DSPP: variants seen among roughly 807,000 people sequenced by gnomAD.
DSPP encodes the protein dentin sialophosphoprotein.
DSPP carries 28 observed loss-of-function variants against 29.1 expected under a neutral mutation model. The ratio of observed to expected loss-of-function variants is 0.96; its 90% CI spans 0.71 to 1.32. The LOEUF (loss-of-function observed/expected upper bound fraction) is 1.32, where lower values mean the gene tolerates loss of function less well. Among genes scored for constraint, DSPP ranks in the 40% most tolerant of loss-of-function variants. The pLI is 0.00. For missense variants in DSPP, 1,281 were observed against 1,629.9 expected (o/e 0.79, Z 3.69); for synonymous variants, 481 against 503.4 (o/e 0.96, Z 0.60).
At position 87,614,215 on chromosome 4, in the gene DSPP, C is replaced by T. The variant is rs775701731; in HGVS notation, c.1553C>T (p.Thr518Ile). 6.2e-7 allele frequency: 1 copy of T among 1,614,084 alleles called. No homozygotes were observed. Among genetic ancestry groups the T allele is most frequent in the Admixed American group, 1.7e-5 (1 of 60,002 alleles). Residue 518 changes from threonine to isoleucine, a missense_variant, in exon 5 of 5, where the codon ACA becomes ATA. Coordinates refer to ENST00000651931, the MANE Select transcript of DSPP (RefSeq NM_014208.3). ...GCAGAAGATGATGACAGTGATAGCA[C>T]ATCAGACACTAATAATAGTGACAGT... ...KGAEDDDSDS[T>I]SDTNNSDSNG...
rs767682862 is a variant in DSPP, at chr4:87,614,231, T to C, written c.1569T>C (p.Asn523=). The C allele has an allele frequency of 6.2e-7, 1 of 1,614,188 alleles. No individual in the cohort carries two copies. Among genetic ancestry groups the C allele is most frequent in the South Asian group, 1.1e-5 (1 of 91,080 alleles). ...DDSDSTSDTN[N]SDSNGNGNNG... ...GTGATAGCACATCAGACACTAATAA[T>C]AGTGACAGTAATGGCAATGGTAACA... is the stretch of plus-strand genomic sequence containing the variant. Residue 523 remains asparagine, a synonymous_variant, in exon 5 of 5, where the codon AAT becomes AAC. Transcript: ENST00000651931.
intron 4 of DSPP, 108 bp from the exon 5 acceptor site, chr4:87,613,677 G>A: frequency 6.8e-7 from 1 of 1,477,800 alleles, no homozygotes; most frequent in Non-Finnish European, 9.4e-7. Context: ...TACTAGAAAT[G>A]TAACTCCTAT....
Position 87,614,070 on chromosome 4 carries a change from G to C in DSPP, c.1408G>C (p.Glu470Gln). The change falls in exon 5 of 5, where the codon GAA becomes CAA. Residue 470 changes from glutamate (E) to glutamine (Q), a missense_variant. Glu to Gln is a conservative substitution (Grantham distance 29). This residue lies in a region of DSPP where 631 missense variants were observed against 643.2 expected (regional missense o/e 0.98). Coordinates refer to ENST00000651931, the MANE Select transcript of DSPP (RefSeq NM_014208.3). ...AGGAGATGATCCCAATAGCAGTGATGAATCTAATGGCAATGATGATGCTAA... is the reference window on the plus strand; with the variant it reads ...AGGAGATGATCCCAATAGCAGTGATCAATCTAATGGCAATGATGATGCTAA... ...MQGDDPNSSD[E>Q]SNGNDDANSE... 1 of 1,614,210 alleles carries C rather than the reference G, an allele frequency of 6.2e-7. No homozygotes were observed.
At position 87,613,148 on chromosome 4, in the gene DSPP, A is replaced by G. The variant is rs749908300; in HGVS notation, c.962A>G (p.Lys321Arg). The G allele has an allele frequency of 3.1e-6, 5 of 1,614,108 alleles. No homozygotes were observed. The Admixed American group carries it at 8.3e-5, about 27-fold the overall frequency. The change falls in exon 4 of 5, where the codon AAG becomes AGG. Residue 321 changes from lysine to arginine, a missense_variant. This residue lies in a region of DSPP where 631 missense variants were observed against 643.2 expected (regional missense o/e 0.98). Transcript: ENST00000651931. ...EDPHNEVDGD[K>R]TSKSEENSAG... ...CCCCATAATGAAGTTGATGGAGACA[A>G]GACCTCCAAGAGTGAGGAGAATTCT...
At chr4:87,613,695 G>A (rs1727785715) in intron 4 of DSPP, 90 bp from the exon 5 acceptor site, 2 of 1,581,390 alleles carry the variant, frequency 1.3e-6, no homozygotes, top group Admixed American at 1.7e-5. Context: ...TATCCCTATG[G>A]CAACTTTTCC....
At chr4:87,610,422 C>T (rs116716556) in intron 1 of DSPP, among the ~76,000 whole-genome samples, 1,607 of 152,304 alleles carry the variant, frequency 0.011, 31 homozygotes, top group African/African-American at 0.037. Flanking sequence ...GTATTCTTTC[C>T]ACTAGCGTAG....
rs766084004 is a variant in DSPP at position 87,614,165 on chromosome 4, T to C, written c.1503T>C (p.Asn501=). 1.9e-6 allele frequency: 3 copies of C among 1,614,086 alleles called. No homozygotes were observed. The highest frequency in any genetic ancestry group is 2.7e-5 in the African/African-American group (2 of 74,934). The change falls in exon 5 of 5, where the codon AAT becomes AAC. Residue 501 remains asparagine (N), a synonymous_variant. Transcript: ENST00000651931. ...ATAACTCTGATGAATCAAAAGATAA[T>C]GGCAATGGCAGTGACTCAAAAGGAG... The part of the protein sequence containing the change: ...ASYNSDESKD[N]GNGSDSKGAE...
rs749298403 is a variant in DSPP, at chr4:87,612,679, G to A, written c.493G>A (p.Gly165Arg). The A allele has an allele frequency of 7.4e-6, 12 of 1,614,130 alleles. No individual in the cohort carries two copies. In the Admixed American group the frequency reaches 2.0e-4, roughly 27 times the overall value. Residue 165 changes from glycine (G) to arginine (R), a missense_variant, in exon 4 of 5, where the codon GGG (glycine) becomes AGG (arginine). Gly to Arg is a moderately radical substitution (Grantham distance 125). Around this residue, in one of 4 missense-constraint regions of DSPP, gnomAD observed 631 missense variants for 643.2 expected, o/e 0.98. Coordinates refer to ENST00000651931, the MANE Select transcript of DSPP (RefSeq NM_014208.3). ...NGNTDKNTQNGDVGDAGHNED... is the reference protein window; with the variant it reads ...NGNTDKNTQNRDVGDAGHNED... Reference sequence around the variant, plus strand: ...AAATACTGATAAGAATACCCAAAATGGGGATGTTGGCGATGCAGGTCACAA... The same window carrying A: ...AAATACTGATAAGAATACCCAAAATAGGGATGTTGGCGATGCAGGTCACAA...
In DSPP at chr4:87,615,431, C is replaced by A. The variant is rs1444992938; in HGVS notation, c.2769C>A (p.Ser923Arg). 1 of 1,536,090 alleles carries A rather than the reference C, an allele frequency of 6.5e-7. No homozygotes were observed. The highest frequency in any genetic ancestry group is 8.8e-7 in the Non-Finnish European group (1 of 1,139,316). Residue 923 changes from serine (S) to arginine (R), a missense_variant, in exon 5 of 5, where the codon AGC becomes AGA. By Grantham distance (110) the Ser-to-Arg change is moderately radical. This residue lies in a region of DSPP where 444 missense variants were observed against 611.4 expected (regional missense o/e 0.73). Coordinates refer to ENST00000651931, the MANE Select transcript of DSPP (RefSeq NM_014208.3). ...GTGATAGCAGCAACAGCAGTGATAGCAGTGAAAGCAGTAATAGTAGTGACA... is the reference window on the plus strand; with the variant it reads ...GTGATAGCAGCAACAGCAGTGATAGAAGTGAAAGCAGTAATAGTAGTGACA... ...DSSDSSNSSD[S>R]SESSNSSDNS...
At chr4:87,611,506 A>C (rs1727734304) in intron 2 of DSPP, among the ~76,000 whole-genome samples, 1 of 152,200 alleles carries the variant, frequency 6.6e-6, no homozygotes, top group South Asian at 2.1e-4. Flanking sequence ...CCAATAAAAA[A>C]TTGAGAAAAT....
rs1244429496 is a variant in DSPP, at chr4:87,614,170, A to C, written c.1508A>C (p.Asn503Thr). Residue 503 changes from asparagine (N) to threonine (T), a missense_variant, in exon 5 of 5, where the codon AAT becomes ACT. Asn to Thr is a moderately conservative substitution (Grantham distance 65). Around this residue, in one of 4 missense-constraint regions of DSPP, gnomAD observed 631 missense variants for 643.2 expected, o/e 0.98. Coordinates refer to ENST00000651931, the MANE Select transcript of DSPP (RefSeq NM_014208.3). ...YNSDESKDNG[N>T]GSDSKGAEDD... ...TCTGATGAATCAAAAGATAATGGCA[A>C]TGGCAGTGACTCAAAAGGAGCAGAA... 6.2e-7 allele frequency: 1 copy of C among 1,614,268 alleles called. No individual in the cohort carries two copies.
rs141644121 is a variant in DSPP, at chr4:87,612,830, C to G, written c.644C>G (p.Pro215Arg). 8.1e-6 allele frequency: 13 copies of G among 1,614,056 alleles called. No individual in the cohort carries two copies. The highest frequency in any genetic ancestry group is 9.3e-6 in the Non-Finnish European group (11 of 1,179,990). ...RNEGNTSEITPQINSKRNGTK... is the reference protein window; with the variant it reads ...RNEGNTSEITRQINSKRNGTK... The stretch of plus-strand genomic sequence containing the variant: ...GAGGGTAATACAAGTGAAATAACAC[C>G]TCAGATCAACAGCAAGAGAAATGGG... The change falls in exon 4 of 5, where the codon CCT becomes CGT. Residue 215 changes from proline (P) to arginine (R), a missense_variant. This residue lies in a region of DSPP where 631 missense variants were observed against 643.2 expected (regional missense o/e 0.98). Transcript: ENST00000651931.
At position 87,612,735 on chromosome 4, in the gene DSPP, A is replaced by G; in HGVS notation, c.549A>G (p.Gly183=). 3 of 1,614,196 alleles carry G rather than the reference A, an allele frequency of 1.9e-6. No individual in the cohort carries two copies. The highest frequency in any genetic ancestry group is 1.7e-6 in the Non-Finnish European group (2 of 1,180,028). ...NEDVAVVQED[G]PQVAGSNNST... The stretch of plus-strand genomic sequence containing the variant: ...ATGTCGCTGTTGTCCAAGAAGATGG[A>G]CCTCAAGTAGCTGGAAGCAATAACA... Residue 183 remains glycine (G), a synonymous_variant, in exon 4 of 5, where the codon GGA becomes GGG. Transcript: ENST00000651931.
chr4:87,608,790 C>A lies in DSPP; in HGVS notation c.-29+170C>A, dbSNP rs550292724. Among the ~76,000 whole-genome samples the A allele has an allele frequency of 1.5e-3, 221 of 152,192 alleles. 2 individuals carry two copies. The South Asian group carries it at 0.017, about 12-fold the overall frequency. On this transcript the variant is annotated intron_variant, in intron 1 of 4. Coordinates refer to ENST00000651931, the MANE Select transcript of DSPP (RefSeq NM_014208.3). ...GATAGTATGTATAAAAGATAACGGA[C>A]AATTACGACCTAAGGAAGAGATAGA...
Position 87,612,622 on chromosome 4 carries a change from G to C in DSPP, c.436G>C (p.Ala146Pro). 6.2e-7 allele frequency: 1 copy of C among 1,614,096 alleles called. No homozygotes were observed. The highest frequency in any genetic ancestry group is 1.1e-5 in the South Asian group (1 of 91,070). Residue 146 changes from alanine to proline, a missense_variant, in exon 4 of 5, where the codon GCT (alanine) becomes CCT (proline). Ala to Pro is a conservative substitution (Grantham distance 27). This residue lies in a region of DSPP where 631 missense variants were observed against 643.2 expected (regional missense o/e 0.98). Coordinates refer to ENST00000651931, the MANE Select transcript of DSPP (RefSeq NM_014208.3). Reference sequence around the variant, plus strand: ...GGGACAAGTAAGCATCATTGACAATGCTGGAGCCACAAACAGAAGCAACAC... The same window carrying C: ...GGGACAAGTAAGCATCATTGACAATCCTGGAGCCACAAACAGAAGCAACAC... Reference protein sequence around the residue: ...IQGQVSIIDNAGATNRSNTNG... With the variant: ...IQGQVSIIDNPGATNRSNTNG...
intron 2 of DSPP, 87 bp from the exon 3 acceptor site, chr4:87,612,018 T>C: frequency 3.6e-6 from 1 of 279,148 alleles, no homozygotes; most frequent in Non-Finnish European, 6.1e-6. Flanking sequence ...TATTTGTGTG[T>C]GTGTGTGTGT....
At position 87,614,033 on chromosome 4, in the gene DSPP, T is replaced by A; in HGVS notation, c.1371T>A (p.Asp457Glu). 3.1e-6 allele frequency: 5 copies of A among 1,614,214 alleles called. No homozygotes were observed. The highest frequency in any genetic ancestry group is 4.2e-6 in the Non-Finnish European group (5 of 1,180,048). ...GATATGACAGTTATGATTTTGATGA[T>A]AAGTCCATGCAAGGAGATGATCCCA... ...SDGYDSYDFD[D>E]KSMQGDDPNS... is the part of the protein sequence containing the mutation. The change falls in exon 5 of 5, where the codon GAT becomes GAA. Residue 457 changes from aspartate (D) to glutamate (E), a missense_variant. This residue lies in a region of DSPP where 631 missense variants were observed against 643.2 expected (regional missense o/e 0.98). Coordinates refer to ENST00000651931, the MANE Select transcript of DSPP (RefSeq NM_014208.3).
Position 87,610,945 on chromosome 4 carries a change from G to C in DSPP, c.37G>C (p.Ala13Pro), listed in dbSNP as rs2109994819. ...IITYFCIWAV[A>P]WAIPVPQSKP... ...TACATATTTTTGCATTTGGGCAGTA[G>C]CATGGGCCATTCCAGTAAGTATGCC... The change falls in exon 2 of 5, where the codon GCA (alanine) becomes CCA (proline). Residue 13 changes from alanine to proline, a missense_variant. Ala to Pro is a conservative substitution (Grantham distance 27). This residue lies in a region of DSPP where 631 missense variants were observed against 643.2 expected (regional missense o/e 0.98). Coordinates refer to ENST00000651931, the MANE Select transcript of DSPP (RefSeq NM_014208.3). 1 of 1,613,364 alleles carries C rather than the reference G, an allele frequency of 6.2e-7. No individual in the cohort carries two copies. Among genetic ancestry groups the C allele is most frequent in the Non-Finnish European group, 8.5e-7 (1 of 1,179,626 alleles).
chr4:87,612,201 A>G lies in DSPP; in HGVS notation c.135+13A>G. 1 of 1,613,782 alleles carries G rather than the reference A, an allele frequency of 6.2e-7. No individual in the cohort carries two copies. Among genetic ancestry groups the G allele is most frequent in the African/African-American group, 1.3e-5 (1 of 75,056 alleles). On this transcript the variant is annotated intron_variant, in intron 3 of 4. Coordinates refer to ENST00000651931, the MANE Select transcript of DSPP (RefSeq NM_014208.3). ...TGTGTCAGTACAGGTATAGGATGTA[A>G]TATATTTCATTTTATTTCCTATTTC...
Sources: gnomAD v4.1 joint callset for allele counts (sites outside exome capture counted in the v4.1 genomes callset) on GRCh38, gnomAD v4.1.1 for gene constraint, gnomAD v4.1.1 regional missense constraint, MANE v1.5 for transcripts, NCBI Gene and HGNC (gene_info 2026-07-23, HGNC 2026-07-21) for gene names.